GOLGA8J: variants seen among roughly 807,000 people sequenced by gnomAD.
The protein encoded by GOLGA8J is golgin A8 family member J.
A neutral mutation model predicts 67.7 loss-of-function variants in GOLGA8J; 19 were observed. That is an observed-to-expected ratio of 0.28 (90% CI 0.20 to 0.41). The LOEUF is 0.41. Among genes scored for constraint, GOLGA8J ranks in the 10% least tolerant of loss-of-function variants. The pLI is 1.00. For synonymous variants in GOLGA8J, 69 were observed against 215.9 expected, an observed-to-expected ratio of 0.32 and a Z score of 5.97; for missense variants, 205 against 584.3, an observed-to-expected ratio of 0.35 and a Z score of 6.69.
At chr15:30,087,178 TGG>T in intron 5 of GOLGA8J, 79 bp from the exon 6 acceptor site, 2 of 61,870 alleles carry the variant, frequency 3.2e-5, no homozygotes, top group Non-Finnish European at 5.1e-5. Flanking sequence ...CCTGGGGCAT[TGG>T]TGGCATTCTG....
chr15:30,090,728 A>G (rs1355991268), intron 13 of GOLGA8J, among the ~76,000 whole-genome samples: 1 of 131,010 alleles, frequency 7.6e-6, no homozygotes, highest in South Asian at 2.5e-4. Context: ...ATTGTGGCGC[A>G]TGCCTGTAAT....
chr15:30,088,142 A>C (rs2057356506), intron 8 of GOLGA8J: 2 of 387,128 alleles, frequency 5.2e-6, no homozygotes, highest in Admixed American at 3.3e-5. Context: ...AGGAGAGAGC[A>C]ACAAGATGGC....
At chr15:30,090,473 C>T (rs1443687621) in intron 13 of GOLGA8J, among the ~76,000 whole-genome samples, 193 bp downstream of exon 13, 1 of 148,166 alleles carries the variant, frequency 6.7e-6, no homozygotes, top group Middle Eastern at 3.2e-3. Flanking sequence ...CCCTGGGCTC[C>T]TCTAAGGTCT....
chr15:30,094,242 G>A lies in GOLGA8J; in HGVS notation c.*743G>A, dbSNP rs1425676591. ...TATTATGGTGGTTCCCTTAGGATTT[G>A]TATGTGCTCTGGGCTCATGAAGATA... On this transcript the variant is annotated 3_prime_UTR_variant, in exon 19 of 19. Transcript: ENST00000567927. Among the ~76,000 whole-genome samples, 2 of 144,476 alleles carry A rather than the reference G, an allele frequency of 1.4e-5. No individual in the cohort carries two copies. The highest frequency in any genetic ancestry group is 3.0e-5 in the Non-Finnish European group (2 of 67,420). 94.8% of individuals were successfully genotyped at this position (144,476 alleles called of 152,430 possible). A position where few individuals can be genotyped will look rare whatever the true frequency, so the allele number is the denominator to read the frequency against.
intron 8 of GOLGA8J, chr15:30,088,471 A>C (rs1215451589): frequency 1.1e-5 from 6 of 560,838 alleles, no homozygotes; most frequent in Non-Finnish European, 1.9e-5. Context: ...CATTCCACAA[A>C]GGTTCAAACA....
chr15:30,084,953 T>A lies in GOLGA8J; in HGVS notation c.168+63T>A, dbSNP rs1329488544. On this transcript the variant is annotated intron_variant, in intron 2 of 18. Coordinates refer to ENST00000567927, the MANE Select transcript of GOLGA8J (RefSeq NM_001282472.2). ...CCCAAGGGGCAGTAGAGGGTAATTG[T>A]TAAGATTGTGGATGGACTGCTGGGT... 60 of 1,489,206 alleles carry A rather than the reference T, an allele frequency of 4.0e-5. 5 individuals carry two copies. The East Asian group carries it at 1.4e-3, about 35-fold the overall frequency. The allele number at this position is 1,489,206 out of a possible 1,614,324, so 92.2% of individuals were successfully genotyped here. A position where few individuals can be genotyped will look rare whatever the true frequency, so the allele number is the denominator to read the frequency against.
Position 30,094,732 on chromosome 15 carries a change from T to C in GOLGA8J, c.*1233T>C, listed in dbSNP as rs4573915. Reference sequence around the variant, plus strand: ...TGACATAGGAATTTACTTCTTTTTCTTTGAATGGAAAACACTTTAAAAAAT... The same window carrying C: ...TGACATAGGAATTTACTTCTTTTTCCTTGAATGGAAAACACTTTAAAAAAT... On this transcript the variant is annotated 3_prime_UTR_variant, in exon 19 of 19. Coordinates refer to ENST00000567927, the MANE Select transcript of GOLGA8J (RefSeq NM_001282472.2). Among the ~76,000 whole-genome samples, 6,903 of 105,380 alleles carry C rather than the reference T, an allele frequency of 0.066. 1,131 individuals carry two copies. The highest frequency in any genetic ancestry group is 0.29 in the African/African-American group (3,446 of 11,828). The allele number at this position is 105,380 out of a possible 152,430, so 69.1% of individuals were successfully genotyped here. A position where few individuals can be genotyped will look rare whatever the true frequency, so the allele number is the denominator to read the frequency against.
rs541485396 is a variant in GOLGA8J at position 30,091,540 on chromosome 15, C to A, written c.1206C>A (p.His402Gln). The stretch of plus-strand genomic sequence containing the variant: ...ACTCTGTCCTGGCCCCTTAGGAGCA[C>A]CTGGAAGCTGCCAGCCAGCAGAACC... ...KELQEKLGEEHLEAASQQNQQ... is the reference protein window; with the variant it reads ...KELQEKLGEEQLEAASQQNQQ... Residue 402 changes from histidine to glutamine, a missense_variant, in exon 14 of 19, where the codon CAC (histidine) becomes CAA (glutamine). Coordinates refer to ENST00000567927, the MANE Select transcript of GOLGA8J (RefSeq NM_001282472.2). The A allele has an allele frequency of 1.3e-6, 2 of 1,585,826 alleles. No homozygotes were observed. Among genetic ancestry groups the A allele is most frequent in the African/African-American group, 2.8e-5 (2 of 70,854 alleles).
chr15:30,084,863 T>C lies in GOLGA8J; in HGVS notation c.141T>C (p.Thr47=). Reference sequence around the variant, plus strand: ...ATGGCAGTATCCCTGAGAAAGCCACTTCTGGTGGTTGCCAGCCACCTAGGG... The same window carrying C: ...ATGGCAGTATCCCTGAGAAAGCCACCTCTGGTGGTTGCCAGCCACCTAGGG... The part of the protein sequence containing the change: ...KTNGSIPEKA[T]SGGCQPPRDS... Residue 47 remains threonine, a synonymous_variant, in exon 2 of 19, where the codon ACT becomes ACC. Coordinates refer to ENST00000567927, the MANE Select transcript of GOLGA8J (RefSeq NM_001282472.2). 7.0e-7 allele frequency: 1 copy of C among 1,432,342 alleles called. No homozygotes were observed. Among genetic ancestry groups the C allele is most frequent in the Admixed American group, 2.0e-5 (1 of 48,982 alleles). The allele number at this position is 1,432,342 out of a possible 1,614,324, so 88.7% of individuals were successfully genotyped here.
chr15:30,084,888 G>A lies in GOLGA8J; in HGVS notation c.166G>A (p.Asp56Asn), dbSNP rs759400367. The A allele has an allele frequency of 9.5e-6, 14 of 1,477,524 alleles. 2 individuals are homozygous for A. Among genetic ancestry groups the A allele is most frequent in the Non-Finnish European group, 1.1e-5 (13 of 1,134,164 alleles). 91.5% of individuals were successfully genotyped at this position (1,477,524 alleles called of 1,614,324 possible). ...TTCTGGTGGTTGCCAGCCACCTAGG[G>A]ATGTGAGTCTTGGCTGACCAGGCTT... is the stretch of plus-strand genomic sequence containing the variant. ...ATSGGCQPPR[D>N]SATGFHREGP... is the part of the protein sequence containing the mutation. Residue 56 changes from aspartate to asparagine, a missense_variant and splice_region_variant, in exon 2 of 19, where the codon GAT (aspartate) becomes AAT (asparagine). Physicochemically the swap from Asp to Asn is conservative, Grantham distance 23 (BLOSUM62 1). Transcript: ENST00000567927.
Position 30,089,958 on chromosome 15 carries a change from T to C in GOLGA8J, c.1131+2T>C, listed in dbSNP as rs768112548. ...CCACAGAGCGTCTTCAAGGAGCCGG[T>C]GCGTTGCCCAAACTGGGGAGCTTGC... On this transcript the variant is annotated splice_donor_variant, in intron 12 of 18. Coordinates refer to ENST00000567927, the MANE Select transcript of GOLGA8J (RefSeq NM_001282472.2). LOFTEE classifies it high-confidence loss of function. 14 of 1,529,212 alleles carry C rather than the reference T, an allele frequency of 9.2e-6. 1 individual carries two copies. The highest frequency in any genetic ancestry group is 1.2e-5 in the Non-Finnish European group (14 of 1,147,994). 94.7% of individuals were successfully genotyped at this position (1,529,212 alleles called of 1,614,324 possible).
Position 30,095,462 on chromosome 15 carries a change from T to C in GOLGA8J, c.*1963T>C, listed in dbSNP as rs1431038968. Reference sequence around the variant, plus strand: ...GTTTCAGAATGATAAAGAAAAAATTTAGACCAAATAATGCAGCTAATTAAC... The same window carrying C: ...GTTTCAGAATGATAAAGAAAAAATTCAGACCAAATAATGCAGCTAATTAAC... On this transcript the variant is annotated 3_prime_UTR_variant, in exon 19 of 19. Transcript: ENST00000567927. 6.1e-5 allele frequency among the ~76,000 whole-genome samples: 9 copies of C among 146,960 alleles called. No homozygotes were observed. Among genetic ancestry groups the C allele is most frequent in the Non-Finnish European group, 8.9e-5 (6 of 67,260 alleles).
At position 30,095,433 on chromosome 15, in the gene GOLGA8J, C is replaced by A. The variant is rs1295345553; in HGVS notation, c.*1934C>A. ...TGAATGTATCAATGTATTAGATAAA[C>A]CCAGTTTCAGAATGATAAAGAAAAA... On this transcript the variant is annotated 3_prime_UTR_variant, in exon 19 of 19. Transcript: ENST00000567927. Among the ~76,000 whole-genome samples, 1 of 145,786 alleles carries A rather than the reference C, an allele frequency of 6.9e-6. No individual in the cohort carries two copies. The highest frequency in any genetic ancestry group is 1.5e-5 in the Non-Finnish European group (1 of 66,990).
chr15:30,088,989 A>G lies in GOLGA8J; in HGVS notation c.735A>G (p.Leu245=). The G allele has an allele frequency of 2.0e-6, 3 of 1,475,604 alleles. No individual in the cohort carries two copies. The highest frequency in any genetic ancestry group is 1.8e-6 in the Non-Finnish European group (2 of 1,108,096). 91.4% of individuals were successfully genotyped at this position (1,475,604 alleles called of 1,614,324 possible). Residue 245 remains leucine, a synonymous_variant, in exon 10 of 19, where the codon CTA becomes CTG. Transcript: ENST00000567927. ...QLERDEYSEH[L]KGERARWQQR... ...AAAGAGATGAGTATTCTGAACATCT[A>G]AAAGGAGAGAGGGCCCGGTGGCAGC... is the stretch of plus-strand genomic sequence containing the variant.
Position 30,089,964 on chromosome 15 carries a change from G to T in GOLGA8J, c.1131+8G>T. On this transcript the variant is annotated splice_region_variant and intron_variant, in intron 12 of 18. Transcript: ENST00000567927. ...AGCGTCTTCAAGGAGCCGGTGCGTT[G>T]CCCAAACTGGGGAGCTTGCCCTCCT... 1.3e-6 allele frequency: 2 copies of T among 1,524,866 alleles called. No individual in the cohort carries two copies. The highest frequency in any genetic ancestry group is 1.2e-5 in the South Asian group (1 of 83,764). 94.5% of individuals were successfully genotyped at this position (1,524,866 alleles called of 1,614,324 possible). A position where few individuals can be genotyped will look rare whatever the true frequency, so the allele number is the denominator to read the frequency against.
At chr15:30,092,248 G>A (rs1408212958) in intron 15 of GOLGA8J, 115 bp downstream of exon 15, 9 of 927,124 alleles carry the variant, frequency 9.7e-6, no homozygotes, top group South Asian at 7.3e-5. Context: ...CACCCCTTCC[G>A]AGAGCCAGTG....
Position 30,089,941 on chromosome 15 carries a change from CGTCTTCAAG to C in GOLGA8J, c.1118_1126del (p.Val373_Lys375del). 6.5e-7 allele frequency: 1 copy of C among 1,536,472 alleles called. No individual in the cohort carries two copies. The highest frequency in any genetic ancestry group is 8.7e-7 in the Non-Finnish European group (1 of 1,150,174). On this transcript the variant is annotated inframe_deletion, in exon 12 of 19. Transcript: ENST00000567927. ...TTCAGCAGCTGGCCAAGCCACAGAG[CGTCTTCAAG>C]GAGCCGGTGCGTTGCCCAAACTGGG...
Position 30,094,242 on chromosome 15 carries a change from G to T in GOLGA8J, c.*743G>T, listed in dbSNP as rs1425676591. Among the ~76,000 whole-genome samples the T allele has an allele frequency of 6.9e-6, 1 of 144,476 alleles. No individual in the cohort carries two copies. The highest frequency in any genetic ancestry group is 6.8e-5 in the Admixed American group (1 of 14,814). The allele number at this position is 144,476 out of a possible 152,430, so 94.8% of individuals were successfully genotyped here. A position where few individuals can be genotyped will look rare whatever the true frequency, so the allele number is the denominator to read the frequency against. On this transcript the variant is annotated 3_prime_UTR_variant, in exon 19 of 19. Transcript: ENST00000567927. ...TATTATGGTGGTTCCCTTAGGATTT[G>T]TATGTGCTCTGGGCTCATGAAGATA...
At chr15:30,090,765 G>A (rs1388713383) in intron 13 of GOLGA8J, among the ~76,000 whole-genome samples, 4 of 124,432 alleles carry the variant, frequency 3.2e-5, no homozygotes, top group South Asian at 2.7e-4. Context: ...GCTGAGGCAC[G>A]AGAATTGCTT....
Sources: gnomAD v4.1 joint callset for allele counts (sites outside exome capture counted in the v4.1 genomes callset) on GRCh38, gnomAD v4.1.1 for gene constraint, MANE v1.5 for transcripts, NCBI Gene and HGNC (gene_info 2026-07-23, HGNC 2026-07-21) for gene names.